Variants in DLGAP2 observed in about 807,000 individuals in gnomAD.
DLGAP2 encodes disks large-associated protein 2.
In DLGAP2, 26 loss-of-function variants were observed where a neutral mutation model predicts 100.3. That is an observed-to-expected ratio of 0.26 (90% CI 0.19 to 0.36). DLGAP2 has a LOEUF of 0.36. Ranked by LOEUF, DLGAP2 falls within the 10% of genes least tolerant of loss-of-function variation. DLGAP2 has a pLI of 1.00. For missense variants in DLGAP2, 1,858 were observed against 1,453.2 expected, an observed-to-expected ratio of 1.28 and a Z score of -4.53; for synonymous variants, 886 against 630.1, an observed-to-expected ratio of 1.41 and a Z score of -6.08.
At chr8:1,127,337 G>A (rs1170082532) in intron 2 of DLGAP2, among the ~76,000 whole-genome samples, 1 of 152,066 alleles carries the variant, frequency 6.6e-6, no homozygotes, top group South Asian at 2.1e-4. Context: ...GAGGGGTCAT[G>A]GAACGGGCAG....
At chr8:1,548,325 G>A (rs1056381651) in intron 4 of DLGAP2, among the ~76,000 whole-genome samples, 1 of 151,114 alleles carries the variant, frequency 6.6e-6, no homozygotes, top group African/African-American at 2.4e-5. Flanking sequence ...CGGGCGTGGT[G>A]GCAGGCGCCT....
At chr8:1,460,602 A>G (rs1029786353) in intron 3 of DLGAP2, among the ~76,000 whole-genome samples, 2 of 152,182 alleles carry the variant, frequency 1.3e-5, no homozygotes, top group African/African-American at 4.8e-5. Flanking sequence ...TTTTTCATTG[A>G]TAGAATTGTA....
intron 3 of DLGAP2, among the ~76,000 whole-genome samples, chr8:1,459,975 G>A (rs1308712894): frequency 6.6e-6 from 1 of 152,112 alleles, no homozygotes; most frequent in Non-Finnish European, 1.5e-5. Context: ...CAGAGGTTCG[G>A]GACCTCGGGT....
At chr8:1,426,247 T>C (rs910146942) in intron 3 of DLGAP2, among the ~76,000 whole-genome samples, 3 of 152,080 alleles carry the variant, frequency 2.0e-5, no homozygotes, top group African/African-American at 7.2e-5. Flanking sequence ...AGATGTAAGT[T>C]AAGAACAGAT....
chr8:1,374,625 C>T (rs1386354773), intron 3 of DLGAP2, among the ~76,000 whole-genome samples: 2 of 152,136 alleles, frequency 1.3e-5, no homozygotes, highest in African/African-American at 4.8e-5. Flanking sequence ...GGAGAATCTG[C>T]CTCAATGTAG....
intron 2 of DLGAP2, among the ~76,000 whole-genome samples, chr8:1,212,218 C>T (rs1027861495): frequency 1.8e-4 from 27 of 152,194 alleles, no homozygotes; most frequent in Admixed American, 3.3e-4. Flanking sequence ...TTCAAAGACA[C>T]GCAGGTTGTC....
intron 1 of DLGAP2, among the ~76,000 whole-genome samples, chr8:782,370 C>G (rs1054246596): frequency 4.6e-5 from 7 of 152,000 alleles, no homozygotes; most frequent in South Asian, 2.1e-4. Flanking sequence ...AAGACTGTCT[C>G]TGGAATTGAT....
chr8:1,242,389 C>T (rs950465012), intron 2 of DLGAP2, among the ~76,000 whole-genome samples: 2 of 152,206 alleles, frequency 1.3e-5, no homozygotes, highest in African/African-American at 4.8e-5. Flanking sequence ...GGGCAAGGCC[C>T]CACATCACCA....
chr8:1,208,749 A>C (rs1470179395), intron 2 of DLGAP2, among the ~76,000 whole-genome samples: 1 of 152,158 alleles, frequency 6.6e-6, no homozygotes, highest in Admixed American at 6.5e-5. Flanking sequence ...AAATGAATTC[A>C]GTAAAGTTTC....
At chr8:774,259 G>A (rs948294037) in intron 1 of DLGAP2, among the ~76,000 whole-genome samples, 1 of 152,182 alleles carries the variant, frequency 6.6e-6, no homozygotes, top group Non-Finnish European at 1.5e-5. Context: ...CCCTTTGTCA[G>A]ACGAGTAGGT....
intron 1 of DLGAP2, among the ~76,000 whole-genome samples, chr8:799,907 A>T (rs1426736972): frequency 6.6e-6 from 1 of 152,120 alleles, no homozygotes; most frequent in East Asian, 1.9e-4. Context: ...CCTCACTTTG[A>T]ATTATTAAAA....
At chr8:1,145,558 T>C (rs1796591614) in intron 2 of DLGAP2, among the ~76,000 whole-genome samples, 2 of 152,210 alleles carry the variant, frequency 1.3e-5, no homozygotes, top group African/African-American at 2.4e-5. Context: ...TTGAAACTCT[T>C]ACCAATAATG....
chr8:1,237,395 G>A (rs1459635515), intron 2 of DLGAP2, among the ~76,000 whole-genome samples: 1 of 94,418 alleles, frequency 1.1e-5, no homozygotes, highest in Non-Finnish European at 2.0e-5. Context: ...ACATGGCGCC[G>A]TGTCTAGTTA....
intron 1 of DLGAP2, among the ~76,000 whole-genome samples, chr8:820,385 TATC>T (rs1281831086): frequency 1.3e-5 from 2 of 152,210 alleles, no homozygotes; most frequent in African/African-American, 4.8e-5. Context: ...TGTTGAAAGA[TATC>T]ATTAATGGGG....
intron 8 of DLGAP2, among the ~76,000 whole-genome samples, chr8:1,636,988 G>T (rs1015170114): frequency 1.3e-5 from 2 of 152,230 alleles, no homozygotes; most frequent in Non-Finnish European, 1.5e-5. Context: ...CCCGGCCGAT[G>T]GCTGCCGAGT....
At chr8:861,481 CATTTCATGGATCCGTAGCTCCTGTCGT>C (rs1182125313) in intron 1 of DLGAP2, among the ~76,000 whole-genome samples, 2 of 152,092 alleles carry the variant, frequency 1.3e-5, no homozygotes, top group Non-Finnish European at 2.9e-5. Context: ...AGAGACCAAA[CATTTCATGGATCCGTAGCTCCTGTCGT>C]ATTTCTTACT....
intron 6 of DLGAP2, among the ~76,000 whole-genome samples, chr8:1,599,208 T>G (rs1009920933): frequency 6.6e-6 from 1 of 152,216 alleles, no homozygotes; most frequent in Non-Finnish European, 1.5e-5. Context: ...GAGTTCTAAT[T>G]TGATTGCACT....
chr8:1,417,688 C>A (rs1282195607), intron 3 of DLGAP2, among the ~76,000 whole-genome samples: 1 of 143,728 alleles, frequency 7.0e-6, no homozygotes, highest in Non-Finnish European at 1.5e-5. Context: ...CAGGGGGGCA[C>A]AGGGGGCCCC....
At position 1,350,061 on chromosome 8, in the gene DLGAP2, G is replaced by A. The variant is rs566551229; in HGVS notation, c.106+91178G>A. ...ATGACTTTAATATAGAAACCGTTTC[G>A]ATATTAAACCATTTATAAGGTGCCA... On this transcript the variant is annotated intron_variant, in intron 3 of 14. Transcript: ENST00000637795. Among the ~76,000 whole-genome samples the A allele has an allele frequency of 1.9e-4, 29 of 152,226 alleles. No homozygotes were observed. In the South Asian group the frequency reaches 5.4e-3, roughly 28 times the overall value.
Sources: gnomAD v4.1 joint callset for allele counts (sites outside exome capture counted in the v4.1 genomes callset) on GRCh38, gnomAD v4.1.1 for gene constraint, MANE v1.5 for transcripts, NCBI Gene and HGNC (gene_info 2026-07-23, HGNC 2026-07-21) for gene names.